Variants in LCORL observed in about 807,000 individuals in gnomAD.
LCORL encodes ligand-dependent nuclear receptor corepressor-like protein.
Under a neutral mutation model 141.8 loss-of-function variants are expected in LCORL, and 41 were observed. That is an observed-to-expected ratio of 0.29 (90% CI 0.23 to 0.38). The LOEUF is 0.38. Ranked by LOEUF, LCORL falls within the 10% of genes least tolerant of loss-of-function variation. The pLI, the probability that LCORL is intolerant of heterozygous loss-of-function variation, is 1.00. For synonymous variants in LCORL, 618 were observed against 694.1 expected (o/e 0.89, Z 1.72); for missense variants, 1,759 against 2,035.0 (o/e 0.86, Z 2.61).
In LCORL at chr4:17,958,848, A is replaced by G. The variant is rs911010191; in HGVS notation, c.430+3055T>C. Among the ~76,000 whole-genome samples, 56 of 152,004 alleles carry G rather than the reference A, an allele frequency of 3.7e-4. 1 individual carries two copies. Among genetic ancestry groups the G allele is most frequent in the Admixed American group, 6.6e-5 (1 of 15,244 alleles). On this transcript the variant is annotated intron_variant, in intron 4 of 7. Transcript: ENST00000635767. ...GCCGAGATTCTGCAATAAACAAAACAAAGTCCCTGTTATTATGGAGATTTT... is the reference window on the plus strand; with the variant it reads ...GCCGAGATTCTGCAATAAACAAAACGAAGTCCCTGTTATTATGGAGATTTT...
At chr4:17,862,844 C>A (rs58618697) in intron 7 of LCORL, among the ~76,000 whole-genome samples, 7,467 of 152,130 alleles carry the variant, frequency 0.049, 607 homozygotes, top group African/African-American at 0.17. Context: ...ATGCCAAAAG[C>A]AATTGCAACA....
intron 4 of LCORL, chr4:17,912,489 G>A: frequency 5.8e-6 from 3 of 516,912 alleles, no homozygotes; most frequent in South Asian, 1.6e-5. Context: ...AGAACCGACA[G>A]GAACTAGACA....
rs528197221 is a variant in LCORL at position 17,995,088 on chromosome 4, C to T, written c.155-22203G>A. Among the ~76,000 whole-genome samples the T allele has an allele frequency of 2.6e-5, 4 of 152,160 alleles. No homozygotes were observed. In the East Asian group the frequency reaches 7.7e-4, roughly 29 times the overall value. The stretch of plus-strand genomic sequence containing the variant: ...CTTTCTGAAATTCACAGCCACAGTG[C>T]CATATTTACTTACATCCTACTTTCT... On this transcript the variant is annotated intron_variant, in intron 1 of 7. Transcript: ENST00000635767.
At chr4:17,948,002 G>T (rs946678655) in intron 4 of LCORL, among the ~76,000 whole-genome samples, 10 of 151,964 alleles carry the variant, frequency 6.6e-5, no homozygotes, top group African/African-American at 2.4e-4. Context: ...AACAGGAAAT[G>T]AGAAGCAGCA....
At chr4:17,846,520 T>C (rs954280128) in intron 7 of LCORL, among the ~76,000 whole-genome samples, 1 of 152,152 alleles carries the variant, frequency 6.6e-6, no homozygotes, top group South Asian at 2.1e-4. Flanking sequence ...GAATTAAACT[T>C]ATGGCCAGCT....
chr4:17,880,769 C>T, intron 6 of LCORL: 4 of 953,762 alleles, frequency 4.2e-6, no homozygotes, highest in Non-Finnish European at 5.0e-6. Flanking sequence ...AGATATATAA[C>T]AACACAAAGT....
intron 2 of LCORL, among the ~76,000 whole-genome samples, chr4:17,969,159 T>C (rs572109846): frequency 2.6e-5 from 4 of 152,100 alleles, no homozygotes; most frequent in Non-Finnish European, 4.4e-5. Flanking sequence ...ACACCAGAAG[T>C]GCAGTTAGGG....
chr4:17,913,149 C>G (rs1732849954), intron 4 of LCORL, among the ~76,000 whole-genome samples: 1 of 152,162 alleles, frequency 6.6e-6, no homozygotes, highest in South Asian at 2.1e-4. Context: ...GTTTGCATCC[C>G]AACTGAAGAG....
intron 4 of LCORL, among the ~76,000 whole-genome samples, chr4:17,918,579 A>G (rs1733808724): frequency 6.6e-6 from 1 of 152,208 alleles, no homozygotes; most frequent in Non-Finnish European, 1.5e-5. Flanking sequence ...AAAATTCACT[A>G]GATATACACT....
At chr4:17,962,161 G>A in intron 3 of LCORL, 129 bp from the exon 4 acceptor site, 1 of 464,170 alleles carries the variant, frequency 2.2e-6, no homozygotes, top group Non-Finnish European at 3.7e-6. Context: ...TATCAAATTA[G>A]ATAGAGGGAA....
chr4:17,867,301 T>C (rs967280058), intron 7 of LCORL, among the ~76,000 whole-genome samples: 9 of 152,054 alleles, frequency 5.9e-5, no homozygotes, highest in Admixed American at 1.3e-4. Context: ...CATATCAAAA[T>C]TGTAGTGATA....
intron 4 of LCORL, chr4:17,912,766 G>A: frequency 2.4e-6 from 1 of 419,258 alleles, no homozygotes; most frequent in African/African-American, 2.0e-5. Flanking sequence ...CAAAGAGGCA[G>A]CACCAGGCCC....
intron 1 of LCORL, chr4:18,020,600 G>T (rs1182669464): frequency 6.6e-6 from 1 of 151,730 alleles, no homozygotes; most frequent in Non-Finnish European, 1.5e-5. Context: ...CTGCAGCAAG[G>T]TCGGGAGTCC....
At chr4:17,937,113 C>T (rs1008926490) in intron 4 of LCORL, among the ~76,000 whole-genome samples, 1 of 152,174 alleles carries the variant, frequency 6.6e-6, no homozygotes, top group Non-Finnish European at 1.5e-5. Context: ...TCATCCCCAG[C>T]TTAGGTGGGT....
In LCORL at chr4:17,884,386, G is replaced by A. The variant is rs1251908040; in HGVS notation, c.776+1682C>T. On this transcript the variant is annotated intron_variant, in intron 6 of 7. Coordinates refer to ENST00000635767, the Ensembl canonical transcript of LCORL. The surrounding 1 kb of genome is among the most constrained non-coding windows in gnomAD (Gnocchi z 4.4). ...TTTTCTGTAGAGTTAGCTGATGGAG[G>A]TAAGTGGAAGCTGTTGGGAATTTTA... 1.3e-6 allele frequency: 2 copies of A among 1,548,086 alleles called. No homozygotes were observed. Among genetic ancestry groups the A allele is most frequent in the South Asian group, 1.2e-5 (1 of 83,706 alleles).
At chr4:17,926,593 T>C (rs1735190486) in intron 4 of LCORL, among the ~76,000 whole-genome samples, 1 of 152,204 alleles carries the variant, frequency 6.6e-6, no homozygotes, top group Non-Finnish European at 1.5e-5. Context: ...TCCCTACTTT[T>C]GAGGTTCTGG....
chr4:17,993,200 A>G (rs192799673), intron 1 of LCORL, among the ~76,000 whole-genome samples: 108 of 152,212 alleles, frequency 7.1e-4, no homozygotes, highest in African/African-American at 2.5e-3. Context: ...TATTTTATTT[A>G]GTTTTATTAA....
intron 5 of LCORL, among the ~76,000 whole-genome samples, chr4:17,895,190 T>C (rs1450488542): frequency 6.6e-6 from 1 of 152,060 alleles, no homozygotes; most frequent in Non-Finnish European, 1.5e-5. Flanking sequence ...TTCAAAATAT[T>C]CTTTTAGCTG....
intron 5 of LCORL, among the ~76,000 whole-genome samples, chr4:17,898,342 T>G (rs1206538207): frequency 1.3e-5 from 2 of 152,186 alleles, no homozygotes; most frequent in African/African-American, 2.4e-5. Context: ...CCAGCCAGGT[T>G]TATTTGTTAT....
Sources: gnomAD v4.1 joint callset for allele counts (sites outside exome capture counted in the v4.1 genomes callset) on GRCh38, gnomAD v4.1.1 for gene constraint, Gnocchi (gnomAD v3.1) non-coding constraint, MANE v1.5 for transcripts, NCBI Gene and HGNC (gene_info 2026-07-23, HGNC 2026-07-21) for gene names.